Variants in GPM6B observed in about 807,000 individuals in gnomAD.
GPM6B encodes the protein neuronal membrane glycoprotein M6-b.
A neutral mutation model predicts 27.2 loss-of-function variants in GPM6B; 4 were observed. That is an observed-to-expected ratio of 0.15 (90% CI 0.07 to 0.34). The LOEUF is 0.34. GPM6B is among the 10% of genes least tolerant of loss of function. The pLI is 1.00. For missense variants in GPM6B, 183 were observed against 261.9 expected, an observed-to-expected ratio of 0.70 and a Z score of 2.08; for synonymous variants, 124 against 103.1, an observed-to-expected ratio of 1.20 and a Z score of -1.23.
chrX:13,921,907 G>A (rs1920982424), intron 1 of GPM6B, among the ~76,000 whole-genome samples: 1 of 111,709 alleles, frequency 9.0e-6, no homozygotes, highest in African/African-American at 3.3e-5. Flanking sequence ...TGGAGGTTAA[G>A]GGGTATTACA....
chrX:13,815,955 A>G (rs1352206080), intron 1 of GPM6B, among the ~76,000 whole-genome samples: 2 of 111,962 alleles, frequency 1.8e-5, no homozygotes, highest in African/African-American at 6.5e-5. Context: ...CGGTTACAGA[A>G]TATGTTTTTG....
At chrX:13,931,345 G>A (rs774015423) in intron 1 of GPM6B, among the ~76,000 whole-genome samples, 151 of 109,038 alleles carry the variant, frequency 1.4e-3, no homozygotes, top group African/African-American at 3.7e-3. Flanking sequence ...AAAATTAGCC[G>A]GGCATGGTGG....
At chrX:13,796,885 C>T (rs763462703) in intron 2 of GPM6B, among the ~76,000 whole-genome samples, 3 of 112,178 alleles carry the variant, frequency 2.7e-5, no homozygotes, top group Non-Finnish European at 5.6e-5. Context: ...TTGTTAGTCT[C>T]TTCCTTTGCC....
At chrX:13,794,953 T>C (rs2048782675) in intron 2 of GPM6B, among the ~76,000 whole-genome samples, 1 of 111,826 alleles carries the variant, frequency 8.9e-6, no homozygotes, top group Non-Finnish European at 1.9e-5. Context: ...CAAGATATAG[T>C]TTTTTAGACT....
chrX:13,797,131 T>C (rs2074097), intron 2 of GPM6B, among the ~76,000 whole-genome samples: 33,324 of 111,565 alleles, frequency 0.3, 3,743 homozygotes, highest in Non-Finnish European at 0.34. Context: ...ACAGTGTCTC[T>C]ACTTTCCTGG....
At chrX:13,853,814 C>T (rs977592088) in intron 1 of GPM6B, among the ~76,000 whole-genome samples, 2 of 110,747 alleles carry the variant, frequency 1.8e-5, no homozygotes, top group African/African-American at 6.6e-5. Flanking sequence ...ATTGAAATTC[C>T]AGACTCCAGG....
intron 1 of GPM6B, among the ~76,000 whole-genome samples, chrX:13,887,408 G>T (rs112463853): frequency 0.042 from 4,669 of 111,785 alleles, 103 homozygotes; most frequent in Middle Eastern, 0.097. Flanking sequence ...CTCTTCCAGT[G>T]GCTGCAGAGG....
chrX:13,888,068 T>C lies in GPM6B; in HGVS notation c.-198+50259A>G, dbSNP rs1339517475. On this transcript the variant is annotated intron_variant, in intron 1 of 6. Coordinates refer to the GPM6B transcript ENST00000398361. ...ACAGATTGAGAACCACTGAATTAGA[T>C]GATCCCTAAAGACACTTTCAGTACC... 3.6e-5 allele frequency among the ~76,000 whole-genome samples: 4 copies of C among 112,446 alleles called. No individual in the cohort carries two copies. In the East Asian group the frequency reaches 1.1e-3, roughly 31 times the overall value.
At chrX:13,826,547 TACATACATACATACAC>T (rs1307782919) in intron 1 of GPM6B, among the ~76,000 whole-genome samples, 5 of 68,510 alleles carry the variant, frequency 7.3e-5, no homozygotes, top group East Asian at 8.0e-4. Context: ...TCTATTAAAA[TACATACATACATACAC>T]ACATACATAC....
intron 1 of GPM6B, among the ~76,000 whole-genome samples, chrX:13,865,542 C>CAAAAAAAAAAAAAAAAAAAAAAA (rs1171503867): frequency 4.8e-4 from 7 of 14,620 alleles, no homozygotes; most frequent in Non-Finnish European, 8.0e-4. Flanking sequence ...TCCATCTCTT[C>CAAAAAAAAAAAAAAAAAAAAAAA]AAAAAAAAAA....
chrX:13,917,424 C>T (rs916834039), intron 1 of GPM6B, among the ~76,000 whole-genome samples: 8 of 112,146 alleles, frequency 7.1e-5, no homozygotes, highest in Non-Finnish European at 1.5e-4. Flanking sequence ...AGTCACTGGA[C>T]GTGAGCAAAT....
chrX:13,841,477 C>A (rs767217797), intron 1 of GPM6B, among the ~76,000 whole-genome samples: 92 of 112,153 alleles, frequency 8.2e-4, no homozygotes, highest in Non-Finnish European at 1.6e-3. Context: ...TACAGAATGC[C>A]TTTACATATC....
intron 2 of GPM6B, among the ~76,000 whole-genome samples, chrX:13,794,008 G>A (rs1334237970): frequency 8.9e-6 from 1 of 111,753 alleles, no homozygotes; most frequent in East Asian, 2.8e-4. Context: ...AAATTTCTGT[G>A]TCTATAAATA....
At chrX:13,869,828 C>T (rs1011298) in intron 1 of GPM6B, among the ~76,000 whole-genome samples, 48,118 of 110,895 alleles carry the variant, frequency 0.43, 8,813 homozygotes, top group Non-Finnish European at 0.59. Context: ...AAGAAATTAG[C>T]CTTGGCACAA....
rs11539025 is a variant in GPM6B, at chrX:13,785,759, G to T, written c.231C>A (p.Ser77=). The T allele has an allele frequency of 8.3e-7, 1 of 1,211,132 alleles. No homozygotes were observed. The highest frequency in any genetic ancestry group is 2.2e-5 in the Admixed American group (1 of 46,049). Residue 77 remains serine, a synonymous_variant, in exon 3 of 8, where the codon TCC becomes TCA. Coordinates refer to ENST00000316715, the MANE Select transcript of GPM6B (RefSeq NM_001001995.3). ...IKCLGGVPYA[S]LVATILCFSG... ...AGAAGCAGAGGATGGTGGCCACCAG[G>T]GAGGCGTAGGGGACTCCTCCCAGAC...
At chrX:13,860,510 C>T (rs1462600792) in intron 1 of GPM6B, among the ~76,000 whole-genome samples, 2 of 105,885 alleles carry the variant, frequency 1.9e-5, no homozygotes, top group Non-Finnish European at 3.9e-5. Context: ...AGGAAGGTAT[C>T]CTTATTCTCG....
chrX:13,889,801 C>G (rs775174010), intron 1 of GPM6B, among the ~76,000 whole-genome samples: 1 of 108,244 alleles, frequency 9.2e-6, no homozygotes, highest in Non-Finnish European at 1.9e-5. Flanking sequence ...CATGAAATAA[C>G]TACTCCCCAT....
intron 1 of GPM6B, among the ~76,000 whole-genome samples, chrX:13,823,871 A>T (rs758976971): frequency 8.9e-6 from 1 of 112,280 alleles, no homozygotes; most frequent in African/African-American, 3.2e-5. Flanking sequence ...TGGCACCAGC[A>T]GGCTGAGGCT....
chrX:13,874,553 A>AAT (rs2050013658), intron 1 of GPM6B, among the ~76,000 whole-genome samples: 1 of 108,446 alleles, frequency 9.2e-6, no homozygotes, highest in South Asian at 4.0e-4. Context: ...CAAAAAAAAA[A>AAT]AAAAAAATTA....
Sources: allele counts gnomAD v4.1 joint callset (sites outside exome capture counted in the v4.1 genomes callset), GRCh38; gene constraint gnomAD v4.1.1; transcripts MANE v1.5; gene names NCBI Gene and HGNC (gene_info 2026-07-23, HGNC 2026-07-21).